OCA2: variants seen among roughly 807,000 people sequenced by gnomAD.
OCA2 encodes the protein OCA2 melanosomal transmembrane protein.
Under a neutral mutation model 100.2 loss-of-function variants are expected in OCA2, and 77 were observed. That is an observed-to-expected ratio of 0.77 (90% CI 0.64 to 0.93). The LOEUF is 0.93. OCA2 is among the 40% of genes least tolerant of loss of function. The pLI, the probability that OCA2 is intolerant of heterozygous loss-of-function variation, is 0.00. For synonymous variants in OCA2, 432 were observed against 439.2 expected, an observed-to-expected ratio of 0.98 and a Z score of 0.21; for missense variants, 1,062 against 1,089.1, an observed-to-expected ratio of 0.98 and a Z score of 0.35.
intron 4 of OCA2, 130 bp from the exon 5 acceptor site, chr15:28,025,032 A>G: frequency 1.2e-6 from 1 of 843,174 alleles, no homozygotes; most frequent in Non-Finnish European, 2.0e-6. Context: ...ATAACATGAT[A>G]TGAGGGAGAA....
chr15:28,027,775 C>A, intron 4 of OCA2, 96 bp downstream of exon 4: 12 of 1,309,374 alleles, frequency 9.2e-6, no homozygotes, highest in Non-Finnish European at 1.3e-5. Flanking sequence ...AACTCATCCT[C>A]TTCTTCACGC....
chr15:28,067,436 T>C (rs1446958538), intron 2 of OCA2, among the ~76,000 whole-genome samples: 2 of 152,228 alleles, frequency 1.3e-5, no homozygotes, highest in Non-Finnish European at 2.9e-5. Context: ...TAAAGTTAGA[T>C]TGTTAATTTG....
chr15:28,063,093 T>C (rs964105754), intron 2 of OCA2, among the ~76,000 whole-genome samples: 3 of 152,186 alleles, frequency 2.0e-5, no homozygotes, highest in Non-Finnish European at 4.4e-5. Flanking sequence ...TGTAGATTAA[T>C]TTGGGTAGTA....
chr15:27,801,353 A>T (rs1490353030), intron 23 of OCA2, among the ~76,000 whole-genome samples: 1 of 152,198 alleles, frequency 6.6e-6, no homozygotes, highest in Non-Finnish European at 1.5e-5. Flanking sequence ...AGAGATCAAG[A>T]CCATCCTGGC....
chr15:27,722,761 C>T, the OCA2 span, among the ~76,000 whole-genome samples: 11 of 125,948 alleles, frequency 8.7e-5, no homozygotes, highest in Non-Finnish European at 1.9e-4. Flanking sequence ...TCTTTCCTTC[C>T]TTTCTTTCTT....
chr15:28,076,643 C>A (rs1319027403), intron 2 of OCA2, among the ~76,000 whole-genome samples: 1 of 150,912 alleles, frequency 6.6e-6, no homozygotes, highest in Non-Finnish European at 1.5e-5. Context: ...GTCAGGAGAT[C>A]GAGACCATCC....
At chr15:27,775,674 C>G (rs2151066114) in intron 23 of OCA2, 1 of 152,434 alleles carries the variant, frequency 6.6e-6, no homozygotes, top group Non-Finnish European at 1.5e-5. Flanking sequence ...CCATCAAAAG[C>G]CTGTTCTCTC....
intron 9 of OCA2, among the ~76,000 whole-genome samples, chr15:28,004,153 G>A (rs1459322778): frequency 6.6e-6 from 1 of 152,246 alleles, no homozygotes; most frequent in Non-Finnish European, 1.5e-5. Flanking sequence ...ATCGTCTCCT[G>A]TTTTCAACAT....
intron 18 of OCA2, among the ~76,000 whole-genome samples, chr15:27,929,759 A>G (rs560785868): frequency 6.6e-6 from 1 of 152,062 alleles, no homozygotes; most frequent in African/African-American, 2.4e-5. Context: ...ACTAATATCT[A>G]GAATATATAT....
chr15:28,004,430 G>C (rs1201686431), intron 9 of OCA2, among the ~76,000 whole-genome samples: 1 of 152,176 alleles, frequency 6.6e-6, no homozygotes, highest in South Asian at 2.1e-4. Context: ...TGGGCTGCAG[G>C]GGAGCCTGCG....
In OCA2 at chr15:27,965,362, G is replaced by A. The variant is rs187297055; in HGVS notation, c.1636+1328C>T. ...TAACTAGTTGTTATGGGTTGAACTA[G>A]GTCCAGCCCCCAGGTAAGATGAGTA... is the stretch of plus-strand genomic sequence containing the variant. On this transcript the variant is annotated intron_variant, in intron 15 of 23. Transcript: ENST00000354638. Among the ~76,000 whole-genome samples, 1,131 of 152,254 alleles carry A rather than the reference G, an allele frequency of 7.4e-3. 7 individuals are homozygous for A. The highest frequency in any genetic ancestry group is 0.015 in the Admixed American group (226 of 15,302).
chr15:28,093,398 C>G (rs932742279), intron 1 of OCA2, among the ~76,000 whole-genome samples: 1 of 127,766 alleles, frequency 7.8e-6, no homozygotes, highest in Admixed American at 8.6e-5. Flanking sequence ...GCGACAAGAG[C>G]AAAACACCGT....
chr15:27,730,107 G>A, the OCA2 span, among the ~76,000 whole-genome samples: 1 of 152,134 alleles, frequency 6.6e-6, no homozygotes, highest in African/African-American at 2.4e-5. Context: ...CTCAAGTCCT[G>A]GTCCTCCTAT....
intron 23 of OCA2, among the ~76,000 whole-genome samples, chr15:27,786,468 A>G (rs2032821159): frequency 6.6e-6 from 1 of 152,160 alleles, no homozygotes. Context: ...ACTCTCAGCA[A>G]TGCCACGTTG....
At chr15:27,893,454 G>A (rs192408301) in intron 19 of OCA2, among the ~76,000 whole-genome samples, 1 of 152,268 alleles carries the variant, frequency 6.6e-6, no homozygotes. Flanking sequence ...TGTGGGGTCA[G>A]GCAAAAAGAG....
intron 17 of OCA2, among the ~76,000 whole-genome samples, chr15:27,952,965 G>T (rs2040086566): frequency 6.6e-6 from 1 of 152,148 alleles, no homozygotes; most frequent in South Asian, 2.1e-4. Context: ...TTACAGGTGT[G>T]AGCCACCACG....
intron 19 of OCA2, among the ~76,000 whole-genome samples, chr15:27,916,277 T>A (rs2038660144): frequency 6.6e-6 from 1 of 152,094 alleles, no homozygotes; most frequent in South Asian, 2.1e-4. Flanking sequence ...AAATAATCTG[T>A]AAGCCAAGCC....
At chr15:27,960,418 A>AC (rs1567160505) in intron 15 of OCA2, among the ~76,000 whole-genome samples, 1 of 152,024 alleles carries the variant, frequency 6.6e-6, no homozygotes, top group African/African-American at 2.4e-5. Flanking sequence ...CTCAAGAGCC[A>AC]CCCAGGATAT....
intron 9 of OCA2, among the ~76,000 whole-genome samples, chr15:28,007,710 A>G (rs2042129253): frequency 6.6e-6 from 1 of 152,052 alleles, no homozygotes; most frequent in African/African-American, 2.4e-5. Context: ...AGCCTGGGCA[A>G]GACTCCATCT....
Sources: gnomAD v4.1 joint callset for allele counts (sites outside exome capture counted in the v4.1 genomes callset) on GRCh38, gnomAD v4.1.1 for gene constraint, MANE v1.5 for transcripts, NCBI Gene and HGNC (gene_info 2026-07-23, HGNC 2026-07-21) for gene names.